DLG2: variants seen among roughly 807,000 people sequenced by gnomAD.
The protein encoded by DLG2 is discs large MAGUK scaffold protein 2.
In DLG2, 45 loss-of-function variants were observed where a neutral mutation model predicts 132.5. The observed-to-expected ratio is 0.34, with a 90% CI of 0.27 to 0.44. The LOEUF (loss-of-function observed/expected upper bound fraction) is 0.44. Ranked by LOEUF, DLG2 falls within the 20% of genes least tolerant of loss-of-function variation. DLG2 has a pLI of 1.00. For synonymous variants in DLG2, 424 were observed against 419.6 expected, an observed-to-expected ratio of 1.01 and a Z score of -0.13; for missense variants, 1,045 against 1,196.9, an observed-to-expected ratio of 0.87 and a Z score of 1.87.
chr11:85,597,465 G>A (rs2079849991), intron 3 of DLG2, among the ~76,000 whole-genome samples: 1 of 151,886 alleles, frequency 6.6e-6, no homozygotes, highest in Non-Finnish European at 1.5e-5. Context: ...ACTCCATTTA[G>A]AGTTTTTATT....
chr11:83,541,918 T>C, intron 19 of DLG2, 60 bp from the exon 20 acceptor site: 1 of 1,492,668 alleles, frequency 6.7e-7, no homozygotes, highest in East Asian at 2.4e-5. Context: ...GATTTAGGAT[T>C]TATGGTTTCA....
intron 16 of DLG2, among the ~76,000 whole-genome samples, chr11:83,839,913 T>G (rs929142691): frequency 6.6e-6 from 1 of 152,186 alleles, no homozygotes; most frequent in African/African-American, 2.4e-5. Flanking sequence ...GTTTTGACTT[T>G]TAGGATAAAC....
intron 3 of DLG2, among the ~76,000 whole-genome samples, chr11:85,412,760 C>CACATATAT (rs756868795): frequency 2.8e-4 from 32 of 113,266 alleles, no homozygotes; most frequent in Non-Finnish European, 4.1e-4. Flanking sequence ...CACACACACA[C>CACATATAT]ATATATATAT....
intron 7 of DLG2, among the ~76,000 whole-genome samples, chr11:84,473,027 G>A (rs1426035762): frequency 1.3e-5 from 2 of 151,884 alleles, no homozygotes; most frequent in Non-Finnish European, 2.9e-5. Flanking sequence ...AAGCTAGAAG[G>A]AACTTAGAGT....
intron 6 of DLG2, among the ~76,000 whole-genome samples, chr11:84,760,482 CAAACAAGTGTTTCAG>C (rs2067467033): frequency 6.6e-6 from 1 of 152,188 alleles, no homozygotes; most frequent in African/African-American, 2.4e-5. Context: ...GACAACCTAG[CAAACAAGTGTTTCAG>C]ACACAATCAA....
At chr11:85,013,016 A>G (rs1252524017) in intron 6 of DLG2, among the ~76,000 whole-genome samples, 1 of 152,178 alleles carries the variant, frequency 6.6e-6, no homozygotes, top group Non-Finnish European at 1.5e-5. Context: ...ATATCTTCTC[A>G]TTTTCAGTGT....
intron 4 of DLG2, among the ~76,000 whole-genome samples, chr11:85,253,750 G>A (rs1043271404): frequency 6.6e-6 from 1 of 152,148 alleles, no homozygotes; most frequent in Non-Finnish European, 1.5e-5. Flanking sequence ...CAAATGAACT[G>A]AAGATGGTAA....
intron 2 of DLG2, among the ~76,000 whole-genome samples, chr11:85,601,422 C>A (rs1472736885): frequency 6.6e-6 from 1 of 151,816 alleles, no homozygotes; most frequent in African/African-American, 2.4e-5. Flanking sequence ...CTCACTGCAA[C>A]CTCCGCCTTC....
intron 6 of DLG2, among the ~76,000 whole-genome samples, chr11:84,819,076 T>TACACACACACACACACACAC (rs111644735): frequency 0.015 from 1,926 of 129,436 alleles, 43 homozygotes; most frequent in South Asian, 0.02. Flanking sequence ...CACTCACAAA[T>TACACACACACACACACACAC]ACACACACAC....
At chr11:84,783,398 A>G (rs1017681806) in intron 6 of DLG2, among the ~76,000 whole-genome samples, 3 of 151,906 alleles carry the variant, frequency 2.0e-5, no homozygotes, top group African/African-American at 7.3e-5. Flanking sequence ...ATTCATTCCT[A>G]CTCTGAATCC....
intron 3 of DLG2, among the ~76,000 whole-genome samples, chr11:85,468,536 A>G (rs1269149225): frequency 6.6e-6 from 1 of 152,180 alleles, no homozygotes; most frequent in East Asian, 1.9e-4. Flanking sequence ...GGTTTCAAAG[A>G]TCATCTTTAT....
chr11:84,410,639 G>A (rs1212717729), intron 7 of DLG2, among the ~76,000 whole-genome samples: 1 of 144,988 alleles, frequency 6.9e-6, no homozygotes, highest in Non-Finnish European at 1.5e-5. Context: ...GAGTGCAATG[G>A]TGTGATCTGA....
chr11:84,296,735 G>C (rs188093944), intron 7 of DLG2, among the ~76,000 whole-genome samples: 1 of 152,010 alleles, frequency 6.6e-6, no homozygotes, highest in Admixed American at 6.6e-5. Flanking sequence ...CTGTACTTAT[G>C]ATTTCATATT....
At chr11:84,021,765 T>TC in intron 11 of DLG2, among the ~76,000 whole-genome samples, 1 of 151,886 alleles carries the variant, frequency 6.6e-6, no homozygotes, top group Non-Finnish European at 1.5e-5. Context: ...ACTACTTCTT[T>TC]TTTTTTTTTG....
At chr11:84,979,187 T>C (rs2055363472) in intron 6 of DLG2, among the ~76,000 whole-genome samples, 1 of 151,952 alleles carries the variant, frequency 6.6e-6, no homozygotes, top group South Asian at 2.1e-4. Flanking sequence ...TGTAGAAAAA[T>C]AGGAACTAGT....
At chr11:84,141,842 A>C (rs1473018456) in intron 9 of DLG2, among the ~76,000 whole-genome samples, 3 of 152,106 alleles carry the variant, frequency 2.0e-5, no homozygotes, top group African/African-American at 4.8e-5. Flanking sequence ...GTGAAATAAT[A>C]ATCTCTGGAA....
chr11:83,630,088 CG>C (rs1566139875), intron 19 of DLG2, among the ~76,000 whole-genome samples: 1 of 151,840 alleles, frequency 6.6e-6, no homozygotes, highest in African/African-American at 2.4e-5. Flanking sequence ...GCACTTCACA[CG>C]AAAGATTAAA....
chr11:85,497,649 A>C (rs770844559), intron 3 of DLG2, among the ~76,000 whole-genome samples: 1 of 152,182 alleles, frequency 6.6e-6, no homozygotes, highest in African/African-American at 2.4e-5. Flanking sequence ...GGTTGAAATG[A>C]AGGAAAAAAA....
chr11:85,263,452 G>A (rs530217684), intron 4 of DLG2, among the ~76,000 whole-genome samples: 105 of 152,286 alleles, frequency 6.9e-4, no homozygotes, highest in Non-Finnish European at 1.1e-3. Flanking sequence ...CACACATAGG[G>A]ATTGAGGACT....
Sources: allele counts gnomAD v4.1 joint callset (sites outside exome capture counted in the v4.1 genomes callset), GRCh38; gene constraint gnomAD v4.1.1; transcripts MANE v1.5; gene names NCBI Gene and HGNC (gene_info 2026-07-23, HGNC 2026-07-21).